Variants in PNPLA1 observed in about 807,000 individuals in gnomAD.
PNPLA1 encodes the protein patatin like domain 1, omega-hydroxyceramide transacylase.
A neutral mutation model predicts 51.7 loss-of-function variants in PNPLA1; 36 were observed. The ratio of observed to expected loss-of-function variants is 0.70; its 90% CI spans 0.53 to 0.92. The LOEUF is 0.92. Among genes scored for constraint, PNPLA1 ranks in the 40% least tolerant of loss-of-function variants. The probability of loss-of-function intolerance (pLI) is 0.00; values close to 1 mark genes in which losing one functional copy is unlikely to be tolerated. For missense variants in PNPLA1, 658 were observed against 682.5 expected (o/e 0.96, Z 0.40); for synonymous variants, 293 against 280.1 (o/e 1.05, Z -0.46).
chr6:36,293,354 T>C (rs368719893), intron 3 of PNPLA1, among the ~76,000 whole-genome samples: 2 of 152,176 alleles, frequency 1.3e-5, no homozygotes, highest in South Asian at 4.1e-4. Context: ...ACCTACCCAC[T>C]GCCAAGCCGG....
chr6:36,301,133 A>AT (rs1333432139), intron 5 of PNPLA1, among the ~76,000 whole-genome samples: 1 of 6,664 alleles, frequency 1.5e-4, no homozygotes, highest in Non-Finnish European at 3.5e-4. Context: ...CCCACCCACT[A>AT]TTTTTGAGAC....
At position 36,284,108 on chromosome 6, in the gene PNPLA1, A is replaced by G. The variant is rs193143552; in HGVS notation, c.206-7212A>G. Among the ~76,000 whole-genome samples the G allele has an allele frequency of 6.7e-4, 102 of 152,288 alleles. 6 individuals are homozygous for G. Among genetic ancestry groups the G allele is most frequent in the African/African-American group, 2.4e-3 (98 of 41,558 alleles). ...GAGGTTGTGCCTGGATTCTGGGGGG[A>G]AAAGCTCATAGTAGGGTGAGGGCTG... is the stretch of plus-strand genomic sequence containing the variant. On this transcript the variant is annotated intron_variant, in intron 1 of 8. Transcript: ENST00000636260.
At chr6:36,278,348 T>C (rs1343799173) in intron 1 of PNPLA1, among the ~76,000 whole-genome samples, 1 of 152,236 alleles carries the variant, frequency 6.6e-6, no homozygotes. Context: ...TTGCTATCTG[T>C]ATTTTATAGT....
chr6:36,278,219 T>C (rs1231381852), intron 1 of PNPLA1, among the ~76,000 whole-genome samples: 2 of 152,254 alleles, frequency 1.3e-5, no homozygotes, highest in Non-Finnish European at 2.9e-5. Context: ...ACTAGATTGG[T>C]TGAGCAATCT....
At chr6:36,260,660 T>C (rs1769628298) in intron 1 of PNPLA1, among the ~76,000 whole-genome samples, 1 of 152,192 alleles carries the variant, frequency 6.6e-6, no homozygotes, top group African/African-American at 2.4e-5. Flanking sequence ...CTTTGCCCCC[T>C]TTTTTACACA....
upstream of PNPLA1, among the ~76,000 whole-genome samples, chr6:36,267,568 T>C (rs1406585326): frequency 1.3e-5 from 2 of 152,160 alleles, no homozygotes; most frequent in African/African-American, 2.4e-5. Context: ...CAGGATGCAC[T>C]GTCTCTGAAG....
intron 5 of PNPLA1, among the ~76,000 whole-genome samples, chr6:36,300,735 A>T (rs547930526): frequency 5.8e-4 from 88 of 151,988 alleles, no homozygotes; most frequent in Non-Finnish European, 1.0e-3. Context: ...ATTGTGAAGT[A>T]CTCTTTCTCC....
In PNPLA1 at chr6:36,307,535, G is replaced by T. The variant is rs765044077; in HGVS notation, c.1470-52G>T. The stretch of plus-strand genomic sequence containing the variant: ...CGGAGCTGAGCAGGCCACCATGTTG[G>T]AGGACCGAGGTCAGGCCCATAATGA... On this transcript the variant is annotated intron_variant, in intron 7 of 8. Coordinates refer to ENST00000636260, the MANE Select transcript of PNPLA1 (RefSeq NM_001374623.1). 4 of 1,593,954 alleles carry T rather than the reference G, an allele frequency of 2.5e-6. No individual in the cohort carries two copies. The Admixed American group carries it at 5.1e-5, about 20-fold the overall frequency.
intron 1 of PNPLA1, among the ~76,000 whole-genome samples, chr6:36,282,233 G>GGAAGGAAGGAAGGAAGGAAA (rs1770338375): frequency 3.6e-5 from 5 of 138,132 alleles, no homozygotes; most frequent in East Asian, 2.1e-4. Context: ...AAGGAAGGAA[G>GGAAGGAAGGAAGGAAGGAAA]GAAAGAAAGA....
At chr6:36,283,613 A>G (rs992355312) in intron 1 of PNPLA1, among the ~76,000 whole-genome samples, 2 of 152,212 alleles carry the variant, frequency 1.3e-5, no homozygotes, top group African/African-American at 4.8e-5. Flanking sequence ...TGGGCAATGT[A>G]GTGAGACCCT....
chr6:36,255,172 G>A (rs1255319122), intron 1 of PNPLA1, among the ~76,000 whole-genome samples: 2 of 151,788 alleles, frequency 1.3e-5, no homozygotes, highest in African/African-American at 4.8e-5. Context: ...TTCGAGACCA[G>A]CCTGACCAAC....
chr6:36,263,305 C>T (rs942269225), intron 1 of PNPLA1, among the ~76,000 whole-genome samples: 5 of 152,172 alleles, frequency 3.3e-5, no homozygotes, highest in African/African-American at 7.2e-5. Context: ...TTAGTACCAA[C>T]GTCTACATGT....
intron 8 of PNPLA1, among the ~76,000 whole-genome samples, chr6:36,309,565 C>G (rs898898017): frequency 2.0e-5 from 3 of 152,176 alleles, no homozygotes; most frequent in African/African-American, 7.2e-5. Flanking sequence ...TGCAATTCAG[C>G]AAGAGCCACT....
At chr6:36,296,976 G>A (rs1426507392) in intron 5 of PNPLA1, among the ~76,000 whole-genome samples, 1 of 152,142 alleles carries the variant, frequency 6.6e-6, no homozygotes, top group Non-Finnish European at 1.5e-5. Flanking sequence ...AAGATTAAAG[G>A]AGCAAAGCCA....
At chr6:36,293,912 G>T (rs1002762570) in intron 3 of PNPLA1, among the ~76,000 whole-genome samples, 2 of 152,166 alleles carry the variant, frequency 1.3e-5, no homozygotes, top group Non-Finnish European at 2.9e-5. Context: ...AGCCCTGGGA[G>T]CCCCAGTCTC....
intron 1 of PNPLA1, among the ~76,000 whole-genome samples, chr6:36,284,576 C>CATCT (rs1168371288): frequency 6.6e-6 from 1 of 151,854 alleles, no homozygotes; most frequent in African/African-American, 2.4e-5. Flanking sequence ...TCCATCCATC[C>CATCT]ATCCATCCAT....
At chr6:36,250,473 C>T (rs1292755916) in intron 1 of PNPLA1, among the ~76,000 whole-genome samples, 1 of 152,088 alleles carries the variant, frequency 6.6e-6, no homozygotes, top group Non-Finnish European at 1.5e-5. Context: ...ATTTTTTGCT[C>T]TGTGAAAATA....
At chr6:36,299,970 A>C (rs1429936899) in intron 5 of PNPLA1, among the ~76,000 whole-genome samples, 1 of 152,170 alleles carries the variant, frequency 6.6e-6, no homozygotes, top group Non-Finnish European at 1.5e-5. Flanking sequence ...AGTCCAGTAC[A>C]TTTGTTACAA....
chr6:36,267,048 G>C (rs1769776437), upstream of PNPLA1, among the ~76,000 whole-genome samples: 1 of 152,074 alleles, frequency 6.6e-6, no homozygotes, highest in Non-Finnish European at 1.5e-5. Flanking sequence ...ATTCATTTTG[G>C]GTTGTCTTGT....
Sources: gnomAD v4.1 joint callset for allele counts (sites outside exome capture counted in the v4.1 genomes callset) on GRCh38, gnomAD v4.1.1 for gene constraint, MANE v1.5 for transcripts, NCBI Gene and HGNC (gene_info 2026-07-23, HGNC 2026-07-21) for gene names.